Variants in PCDHGA9 observed in about 807,000 individuals in gnomAD.
The protein encoded by PCDHGA9 is protocadherin gamma subfamily A, 9.
In PCDHGA9, 37 loss-of-function variants were observed where a neutral mutation model predicts 62.5. The observed-to-expected ratio is 0.59, with a 90% confidence interval of 0.46 to 0.78. The LOEUF is 0.78. PCDHGA9 is among the 30% of genes least tolerant of loss of function. The pLI, the probability that PCDHGA9 is intolerant of heterozygous loss-of-function variation, is 0.00. For missense variants in PCDHGA9, 1,138 were observed against 1,166.2 expected (o/e 0.98, Z 0.35); for synonymous variants, 459 against 484.6 (o/e 0.95, Z 0.69).
At chr5:141,419,023 A>T (rs768427376) in intron 1 of PCDHGA9, 2 of 1,613,958 alleles carry the variant, frequency 1.2e-6, no homozygotes, top group Non-Finnish European at 1.7e-6. Flanking sequence ...GCTTAAGTAG[A>T]GGTGTTCCAT....
chr5:141,485,500 C>T lies in PCDHGA9; in HGVS notation c.2425-9307C>T. 1 of 1,614,142 alleles carries T rather than the reference C, an allele frequency of 6.2e-7. No homozygotes were observed. The highest frequency in any genetic ancestry group is 8.5e-7 in the Non-Finnish European group (1 of 1,180,038). ...GCTGCATCGTGCCCCTGGAGTTTGT[C>T]ACCGAAGGTCCTTTGGAAATGTACC... On this transcript the variant is annotated intron_variant, in intron 1 of 3. Coordinates refer to ENST00000573521, the MANE Select transcript of PCDHGA9 (RefSeq NM_018921.3). The surrounding 1 kb of genome is among the most constrained non-coding windows in gnomAD (Gnocchi z 5.7).
Position 141,453,270 on chromosome 5 carries a change from T to C in PCDHGA9, c.2425-41537T>C, listed in dbSNP as rs1592250907. 4.6e-5 allele frequency among the ~76,000 whole-genome samples: 7 copies of C among 152,146 alleles called. No homozygotes were observed. In the South Asian group the frequency reaches 1.5e-3, roughly 32 times the overall value. On this transcript the variant is annotated intron_variant, in intron 1 of 3. Transcript: ENST00000573521. The stretch of plus-strand genomic sequence containing the variant: ...CTGGGGCTGCAAGTGCACACCACCA[T>C]GACTGGCTAATTTTTTAATTATTTA...
chr5:141,477,708 G>T lies in PCDHGA9; in HGVS notation c.2425-17099G>T. ...GTGCCCCTAGACTATGAGGATCGGC[G>T]GGAATTTGAATTAACAGCTCATATC... On this transcript the variant is annotated intron_variant, in intron 1 of 3. Transcript: ENST00000573521. The surrounding 1 kb of genome is among the most constrained non-coding windows in gnomAD (Gnocchi z 4.9). 2 of 1,613,930 alleles carry T rather than the reference G, an allele frequency of 1.2e-6. No individual in the cohort carries two copies. Among genetic ancestry groups the T allele is most frequent in the Non-Finnish European group, 1.7e-6 (2 of 1,180,030 alleles).
rs146574799 is a variant in PCDHGA9, at chr5:141,487,337, G to A, written c.2425-7470G>A. The A allele has an allele frequency of 1.4e-5, 23 of 1,614,054 alleles. No individual in the cohort carries two copies. The highest frequency in any genetic ancestry group is 3.3e-5 in the Admixed American group (2 of 60,002). The stretch of plus-strand genomic sequence containing the variant: ...TAAGTGTCTTCGTGGGGCAGCCTGT[G>A]GAGTCACATGCTTTCCTGCTGGCAC... On this transcript the variant is annotated intron_variant, in intron 1 of 3. Coordinates refer to ENST00000573521, the MANE Select transcript of PCDHGA9 (RefSeq NM_018921.3). The surrounding 1 kb of genome is among the most constrained non-coding windows in gnomAD (Gnocchi z 5.0).
intron 1 of PCDHGA9, chr5:141,478,378 G>A (rs1454112813): frequency 6.2e-7 from 1 of 1,613,558 alleles, no homozygotes; most frequent in Admixed American, 1.7e-5. Context: ...TGATGTCGCC[G>A]CACCTTTACC....
At position 141,404,860 on chromosome 5, in the gene PCDHGA9, T is replaced by G. The variant is rs3749769; in HGVS notation, c.1908T>G (p.Asp636Glu). ...CAGCTCGGGCCCTGCTAGATAGAGATGCGCTCAAACAGAGCCTTGTGGTGG... is the reference window on the plus strand; with the variant it reads ...CAGCTCGGGCCCTGCTAGATAGAGAGGCGCTCAAACAGAGCCTTGTGGTGG... The part of the protein sequence containing the change: ...VRTARALLDR[D>E]ALKQSLVVAV... The change falls in exon 1 of 4, where the codon GAT (aspartate) becomes GAG (glutamate). Residue 636 changes from aspartate (D) to glutamate (E), a missense_variant. Asp to Glu is a conservative substitution (Grantham distance 45, BLOSUM62 2). Transcript: ENST00000573521. 7 of 1,613,630 alleles carry G rather than the reference T, an allele frequency of 4.3e-6. No individual in the cohort carries two copies. The highest frequency in any genetic ancestry group is 1.7e-5 in the Admixed American group (1 of 59,996).
Position 141,403,945 on chromosome 5 carries a change from A to C in PCDHGA9, c.993A>C (p.Thr331=). 3 of 1,613,926 alleles carry C rather than the reference A, an allele frequency of 1.9e-6. No homozygotes were observed. The highest frequency in any genetic ancestry group is 2.5e-6 in the Non-Finnish European group (3 of 1,179,876). ...ATGGTGGGGGATTGAAAGGGTGGACAAAAGTGCTCATTTCGGTGGAAGATG... is the reference window on the plus strand; with the variant it reads ...ATGGTGGGGGATTGAAAGGGTGGACCAAAGTGCTCATTTCGGTGGAAGATG... ...AEDGGGLKGW[T]KVLISVEDVN... is the part of the protein sequence containing the mutation. The change falls in exon 1 of 4, where the codon ACA becomes ACC. Residue 331 remains threonine, a synonymous_variant. Coordinates refer to ENST00000573521, the MANE Select transcript of PCDHGA9 (RefSeq NM_018921.3).
chr5:141,439,065 C>T (rs571768018), intron 1 of PCDHGA9, among the ~76,000 whole-genome samples: 13 of 151,628 alleles, frequency 8.6e-5, no homozygotes, highest in East Asian at 7.9e-4. Flanking sequence ...GTGTGGCAGG[C>T]GCCTGTAATC....
At chr5:141,412,938 T>C (rs2095590973) in intron 1 of PCDHGA9, 3 of 461,786 alleles carry the variant, frequency 6.5e-6, no homozygotes, top group Admixed American at 7.7e-5. Context: ...TTCTTAGGAC[T>C]CTGAGCGCCG....
At position 141,490,208 on chromosome 5, in the gene PCDHGA9, G is replaced by A. The variant is rs745796427; in HGVS notation, c.2425-4599G>A. On this transcript the variant is annotated intron_variant, in intron 1 of 3. Coordinates refer to ENST00000573521, the MANE Select transcript of PCDHGA9 (RefSeq NM_018921.3). The surrounding 1 kb of genome is among the most constrained non-coding windows in gnomAD (Gnocchi z 5.4). ...TTCTATGAAATTCATGCAAGAGCCC[G>A]TGACCAGGGACAGCCTGCCATGGAG... 44 of 1,614,120 alleles carry A rather than the reference G, an allele frequency of 2.7e-5. No individual in the cohort carries two copies. The Admixed American group carries it at 4.5e-4, about 17-fold the overall frequency.
intron 1 of PCDHGA9, chr5:141,409,995 C>T: frequency 1.2e-6 from 2 of 1,613,308 alleles, no homozygotes; most frequent in Non-Finnish European, 1.7e-6. Context: ...GACGCCGACT[C>T]GGGACACAAC....
intron 1 of PCDHGA9, chr5:141,409,996 G>A (rs1561724976): frequency 6.2e-7 from 1 of 1,613,132 alleles, no homozygotes; most frequent in Non-Finnish European, 8.5e-7. Context: ...ACGCCGACTC[G>A]GGACACAACG....
intron 1 of PCDHGA9, chr5:141,427,747 C>A (rs2097063869): frequency 1.6e-6 from 2 of 1,277,502 alleles, no homozygotes; most frequent in Non-Finnish European, 2.2e-6. Flanking sequence ...GTCTCCTACT[C>A]CATCGTTACC....
In PCDHGA9 at chr5:141,427,233, G is replaced by A. The variant is rs147039909; in HGVS notation, c.2424+21857G>A. On this transcript the variant is annotated intron_variant, in intron 1 of 3. Transcript: ENST00000573521. Reference sequence around the variant, plus strand: ...ATTTCGTAGCAGTTATACCATGAGAGTAGAAGCTAAGGATGGTGGAGGCAT... The same window carrying A: ...ATTTCGTAGCAGTTATACCATGAGAATAGAAGCTAAGGATGGTGGAGGCAT... 180 of 456,756 alleles carry A rather than the reference G, an allele frequency of 3.9e-4. 1 individual carries two copies. The highest frequency in any genetic ancestry group is 3.5e-3 in the African/African-American group (176 of 50,196). The allele number at this position is 456,756 out of a possible 1,614,324, so 28.3% of individuals were successfully genotyped here.
Position 141,491,984 on chromosome 5 carries a change from C to G in PCDHGA9, c.2425-2823C>G. 1.4e-6 allele frequency: 1 copy of G among 734,256 alleles called. No homozygotes were observed. The highest frequency in any genetic ancestry group is 3.2e-5 in the East Asian group (1 of 31,678). The allele number at this position is 734,256 out of a possible 1,614,324, so 45.5% of individuals were successfully genotyped here. ...AAGGCCGGGGCCTCCTTCGAGCTTC[C>G]GGTGAATTTCGGGCGATTTCCGCGG... On this transcript the variant is annotated intron_variant, in intron 1 of 3. Coordinates refer to ENST00000573521, the MANE Select transcript of PCDHGA9 (RefSeq NM_018921.3). The surrounding 1 kb of genome is among the most constrained non-coding windows in gnomAD (Gnocchi z 6.9).
intron 1 of PCDHGA9, among the ~76,000 whole-genome samples, chr5:141,468,130 G>C (rs1312004369): frequency 6.6e-6 from 1 of 151,878 alleles, no homozygotes; most frequent in Admixed American, 6.6e-5. Context: ...TTTGAGACCA[G>C]CCTGGCCAAC....
At chr5:141,422,473 G>A (rs2096650443) in intron 1 of PCDHGA9, 7 of 1,613,740 alleles carry the variant, frequency 4.3e-6, no homozygotes, top group Non-Finnish European at 5.1e-6. Context: ...CAGGGAGTTG[G>A]TCCAGAGCTA....
Position 141,485,950 on chromosome 5 carries a change from G to A in PCDHGA9, c.2425-8857G>A. ...TGTTGGAGAGCGCACCAGCGGGCAT[G>A]GTGCTCATCCAGCTCAATGCCTCAG... On this transcript the variant is annotated intron_variant, in intron 1 of 3. Transcript: ENST00000573521. The surrounding 1 kb of genome is among the most constrained non-coding windows in gnomAD (Gnocchi z 5.7). 6.2e-7 allele frequency: 1 copy of A among 1,614,184 alleles called. No individual in the cohort carries two copies. The highest frequency in any genetic ancestry group is 8.5e-7 in the Non-Finnish European group (1 of 1,180,030).
chr5:141,429,765 T>C (rs897963458), intron 1 of PCDHGA9, among the ~76,000 whole-genome samples: 1 of 152,230 alleles, frequency 6.6e-6, no homozygotes, highest in East Asian at 1.9e-4. Flanking sequence ...TTTCCCTATA[T>C]TTTGATGGGC....
Sources: allele counts gnomAD v4.1 joint callset (sites outside exome capture counted in the v4.1 genomes callset), GRCh38; gene constraint gnomAD v4.1.1; non-coding constraint Gnocchi (gnomAD v3.1); transcripts MANE v1.5; gene names NCBI Gene and HGNC (gene_info 2026-07-23, HGNC 2026-07-21).